MACROD2: variants seen among roughly 807,000 people sequenced by gnomAD.
MACROD2 encodes the protein ADP-ribose glycohydrolase MACROD2.
A neutral mutation model predicts 70.4 loss-of-function variants in MACROD2; 36 were observed. The ratio of observed to expected loss-of-function variants is 0.51; its 90% confidence interval spans 0.39 to 0.68. MACROD2 has a LOEUF of 0.68. Ranked by LOEUF, MACROD2 falls within the 30% of genes least tolerant of loss-of-function variation. The pLI, the probability that MACROD2 is intolerant of heterozygous loss-of-function variation, is 0.00. For missense variants in MACROD2, 496 were observed against 538.4 expected, an observed-to-expected ratio of 0.92 and a Z score of 0.78; for synonymous variants, 172 against 178.8, an observed-to-expected ratio of 0.96 and a Z score of 0.30.
intron 2 of MACROD2, among the ~76,000 whole-genome samples, chr20:14,019,008 G>T (rs2053031617): frequency 6.6e-6 from 1 of 152,184 alleles, no homozygotes; most frequent in Non-Finnish European, 1.5e-5. Context: ...GGGCTGTTCA[G>T]GAGGTAGTGC....
At chr20:15,417,543 G>A (rs993763508) in intron 6 of MACROD2, among the ~76,000 whole-genome samples, 1 of 141,062 alleles carries the variant, frequency 7.1e-6, no homozygotes, top group Non-Finnish European at 1.5e-5. Flanking sequence ...AAGCTGCAGT[G>A]ATGCATGATC....
intron 6 of MACROD2, among the ~76,000 whole-genome samples, chr20:15,430,615 C>T (rs995766046): frequency 2.0e-5 from 3 of 151,878 alleles, no homozygotes; most frequent in African/African-American, 7.2e-5. Flanking sequence ...TTTTTTCAAT[C>T]AAATTCTCTG....
chr20:15,413,369 G>A (rs988213904), intron 6 of MACROD2, among the ~76,000 whole-genome samples: 41 of 152,100 alleles, frequency 2.7e-4, no homozygotes, highest in African/African-American at 9.2e-4. Context: ...ATTAACTCTG[G>A]TATTTTATTC....
intron 5 of MACROD2, among the ~76,000 whole-genome samples, chr20:14,908,006 T>C (rs2073979670): frequency 6.6e-6 from 1 of 152,094 alleles, no homozygotes; most frequent in African/African-American, 2.4e-5. Flanking sequence ...AAAAAGTCAC[T>C]ATGAGTCATT....
rs553866913 is a variant in MACROD2, at chr20:15,617,822, G to A, written c.645+117975G>A. On this transcript the variant is annotated intron_variant, in intron 8 of 17. Transcript: ENST00000684519. ...GTGCTGGTTGTGTTAGGTAGGGAAG[G>A]TGGGGGTGGAGAGGAAGTTCAGGGA... Among the ~76,000 whole-genome samples the A allele has an allele frequency of 9.2e-5, 14 of 152,328 alleles. No homozygotes were observed. The South Asian group carries it at 2.5e-3, about 27-fold the overall frequency.
intron 8 of MACROD2, among the ~76,000 whole-genome samples, chr20:15,546,896 A>G (rs1045625721): frequency 6.6e-6 from 1 of 152,206 alleles, no homozygotes; most frequent in Admixed American, 6.5e-5. Flanking sequence ...GATCTCTTTT[A>G]GGATTCAAAA....
In MACROD2 at chr20:15,099,872, C is replaced by T. The variant is rs190044513; in HGVS notation, c.419-130068C>T. 2.2e-3 allele frequency among the ~76,000 whole-genome samples: 333 copies of T among 151,188 alleles called. 1 individual carries two copies. Among genetic ancestry groups the T allele is most frequent in the African/African-American group, 7.1e-3 (291 of 41,136 alleles). ...AGAAATATGGATGGTAAAGGCAATT[C>T]TGGTGAGGTCTCAGATGGAAATGAG... On this transcript the variant is annotated intron_variant, in intron 5 of 17. Coordinates refer to ENST00000684519, the MANE Select transcript of MACROD2 (RefSeq NM_001351661.2).
chr20:15,841,372 A>G (rs552911182), intron 8 of MACROD2, among the ~76,000 whole-genome samples: 11 of 152,194 alleles, frequency 7.2e-5, no homozygotes, highest in Non-Finnish European at 1.5e-4. Context: ...GGTAATTTAA[A>G]AGAAAAGAGG....
intron 3 of MACROD2, among the ~76,000 whole-genome samples, chr20:14,133,863 C>T (rs1258532403): frequency 1.3e-5 from 2 of 152,304 alleles, no homozygotes; most frequent in African/African-American, 4.8e-5. Context: ...AGCTGCAGGG[C>T]GCCAACTTGA....
At chr20:15,211,559 G>T (rs925935120) in intron 5 of MACROD2, among the ~76,000 whole-genome samples, 4 of 152,026 alleles carry the variant, frequency 2.6e-5, no homozygotes, top group African/African-American at 9.7e-5. Flanking sequence ...ATGAGTCCAC[G>T]TGAGAGCTGG....
At chr20:15,898,605 C>T (rs996942332) in intron 10 of MACROD2, among the ~76,000 whole-genome samples, 2 of 143,866 alleles carry the variant, frequency 1.4e-5, no homozygotes, top group Non-Finnish European at 3.0e-5. Context: ...CCTTCTGAAT[C>T]AGAAACCTGA....
chr20:14,939,374 G>C (rs1450385418), intron 5 of MACROD2, among the ~76,000 whole-genome samples: 1 of 151,802 alleles, frequency 6.6e-6, no homozygotes, highest in African/African-American at 2.4e-5. Flanking sequence ...TGTTCTTGGT[G>C]GCTTTGTCAA....
chr20:14,334,515 A>G (rs1005424359), intron 3 of MACROD2, among the ~76,000 whole-genome samples: 1 of 152,100 alleles, frequency 6.6e-6, no homozygotes, highest in African/African-American at 2.4e-5. Context: ...GTTTTTGCCC[A>G]CTGGGGGGTG....
intron 2 of MACROD2, among the ~76,000 whole-genome samples, chr20:14,058,590 C>T (rs2053657299): frequency 6.7e-6 from 1 of 149,176 alleles, no homozygotes; most frequent in Non-Finnish European, 1.5e-5. Flanking sequence ...TTTTCTTTGA[C>T]TTTTACTAGA....
chr20:15,945,881 C>A (rs1018157723), intron 12 of MACROD2, among the ~76,000 whole-genome samples: 1 of 152,094 alleles, frequency 6.6e-6, no homozygotes, highest in Non-Finnish European at 1.5e-5. Flanking sequence ...GAGCAGAGGA[C>A]TTTCTTTGCC....
At chr20:14,033,362 T>C (rs2053269017) in intron 2 of MACROD2, among the ~76,000 whole-genome samples, 1 of 152,122 alleles carries the variant, frequency 6.6e-6, no homozygotes, top group African/African-American at 2.4e-5. Flanking sequence ...ATTTTGATAA[T>C]TTTGGAAAAA....
chr20:14,513,691 T>C (rs1423539233), intron 4 of MACROD2, among the ~76,000 whole-genome samples: 1 of 152,138 alleles, frequency 6.6e-6, no homozygotes, highest in East Asian at 1.9e-4. Context: ...TACTTGAGTC[T>C]ATTTGATTTG....
intron 8 of MACROD2, among the ~76,000 whole-genome samples, chr20:15,623,927 A>G (rs1288479621): frequency 6.6e-6 from 1 of 152,174 alleles, no homozygotes; most frequent in African/African-American, 2.4e-5. Context: ...ATACATATCT[A>G]TATATGAAGG....
chr20:14,662,152 C>T (rs558440428), intron 4 of MACROD2, among the ~76,000 whole-genome samples: 1 of 151,866 alleles, frequency 6.6e-6, no homozygotes, highest in Non-Finnish European at 1.5e-5. Flanking sequence ...TACCAACATC[C>T]GTGGAACAGA....
Sources: gnomAD v4.1 joint callset for allele counts (sites outside exome capture counted in the v4.1 genomes callset) on GRCh38, gnomAD v4.1.1 for gene constraint, MANE v1.5 for transcripts, NCBI Gene and HGNC (gene_info 2026-07-23, HGNC 2026-07-21) for gene names.